CEP290: variants seen among roughly 807,000 people sequenced by gnomAD.
CEP290 encodes the protein centrosomal protein 290.
In CEP290, 317 loss-of-function variants were observed where a neutral mutation model predicts 344.9. The observed-to-expected ratio is 0.92, with a 90% CI of 0.84 to 1.01. The LOEUF (loss-of-function observed/expected upper bound fraction) is 1.01, where lower values mean the gene tolerates loss of function less well. CEP290 is among the 50% of genes least tolerant of loss of function. CEP290 has a pLI of 0.00. For synonymous variants in CEP290, 932 were observed against 895.8 expected (o/e 1.04, Z -0.72); for missense variants, 2,754 against 2,761.4 (o/e 1.00, Z 0.06).
intron 6 of CEP290, 109 bp downstream of exon 6, chr12:88,136,534 T>A (rs1260285548): frequency 2.7e-6 from 3 of 1,114,492 alleles, no homozygotes; most frequent in Admixed American, 2.0e-5. Context: ...TAAGTGTACA[T>A]CATTTTTCAA....
At chr12:88,052,412 A>G (rs544463178) in intron 52 of CEP290, among the ~76,000 whole-genome samples, 60 of 152,366 alleles carry the variant, frequency 3.9e-4, no homozygotes, top group Admixed American at 1.6e-3. Context: ...GAGATAATTT[A>G]TGAACAGACC....
chr12:88,122,396 A>C (rs991045584), intron 13 of CEP290, among the ~76,000 whole-genome samples: 1 of 152,104 alleles, frequency 6.6e-6, no homozygotes, highest in South Asian at 2.1e-4. Context: ...TGAAGGCAAC[A>C]CCCTGGAATG....
intron 26 of CEP290, among the ~76,000 whole-genome samples, chr12:88,098,656 T>G (rs2037642100): frequency 6.6e-6 from 1 of 151,866 alleles, no homozygotes; most frequent in Non-Finnish European, 1.5e-5. Context: ...AACAGAGTAC[T>G]GAGCCAGTGA....
At chr12:88,050,459 A>C in intron 52 of CEP290, 26 bp from the exon 53 acceptor site, 1 of 1,194,480 alleles carries the variant, frequency 8.4e-7, no homozygotes, top group Non-Finnish European at 1.2e-6. Flanking sequence ...TACAAATTAG[A>C]CTCAGCTTTT....
At chr12:88,086,246 A>G in intron 33 of CEP290, 73 bp from the exon 34 acceptor site, 2 of 1,547,230 alleles carry the variant, frequency 1.3e-6, no homozygotes, top group Non-Finnish European at 1.8e-6. Flanking sequence ...TTACAGCTGT[A>G]TGATAAAACA....
At chr12:88,078,009 G>A in intron 39 of CEP290, 91 bp from the exon 40 acceptor site, 8 of 497,286 alleles carry the variant, frequency 1.6e-5, no homozygotes, top group South Asian at 7.1e-5. Context: ...ACCATTATAA[G>A]AAAAATTCAG....
chr12:88,110,004 G>GTCCT (rs1424765736), intron 22 of CEP290, among the ~76,000 whole-genome samples: 1 of 151,888 alleles, frequency 6.6e-6, no homozygotes, highest in East Asian at 1.9e-4. Context: ...AGTTAAGGCT[G>GTCCT]TCCTTAGACA....
At position 88,079,704 on chromosome 12, in the gene CEP290, C is replaced by T. The variant is rs2036048627; in HGVS notation, c.5227-475G>A. Among the ~76,000 whole-genome samples the T allele has an allele frequency of 2.0e-5, 3 of 152,046 alleles. No individual in the cohort carries two copies. The South Asian group carries it at 6.2e-4, about 32-fold the overall frequency. On this transcript the variant is annotated intron_variant, in intron 38 of 53. Transcript: ENST00000552810. ...TTAAATAGATCAAATCTGAGATAAA[C>T]TAAAAAAAACCCTAATAAATCAGAA...
chr12:88,056,603 C>A (rs1329648593), intron 49 of CEP290, among the ~76,000 whole-genome samples: 3 of 152,148 alleles, frequency 2.0e-5, no homozygotes, highest in Non-Finnish European at 2.9e-5. Flanking sequence ...TTCACTTCAT[C>A]TAATTTTCTA....
intron 45 of CEP290, 98 bp from the exon 46 acceptor site, chr12:88,062,876 G>A (rs2034586226): frequency 1.4e-6 from 1 of 716,944 alleles, no homozygotes; most frequent in Admixed American, 2.7e-5. Flanking sequence ...CTCTTCAACT[G>A]TATTGCCAAA....
intron 18 of CEP290, among the ~76,000 whole-genome samples, chr12:88,116,721 T>TTA (rs1388158582): frequency 6.6e-6 from 1 of 152,160 alleles, no homozygotes; most frequent in East Asian, 1.9e-4. Context: ...ACGCCTGTAA[T>TTA]CCCAGCACTT....
intron 15 of CEP290, among the ~76,000 whole-genome samples, chr12:88,119,655 C>T (rs1303536222): frequency 4.6e-5 from 7 of 151,956 alleles, no homozygotes; most frequent in African/African-American, 1.7e-4. Flanking sequence ...AAAAATTAGC[C>T]GGGCATAGTG....
intron 52 of CEP290, among the ~76,000 whole-genome samples, chr12:88,050,727 G>A (rs879320089): frequency 2.0e-5 from 3 of 152,164 alleles, no homozygotes; most frequent in Non-Finnish European, 2.9e-5. Context: ...CCTAAAGCCA[G>A]GGAAACTTGT....
At chr12:88,102,535 G>A (rs890713065) in intron 26 of CEP290, among the ~76,000 whole-genome samples, 3 of 152,094 alleles carry the variant, frequency 2.0e-5, no homozygotes, top group African/African-American at 7.2e-5. Context: ...TCTCTTAGAT[G>A]TCTGGTTAAA....
Position 88,092,728 on chromosome 12 carries a change from A to C in CEP290, c.3414T>G (p.Ile1138Met). 6.2e-7 allele frequency: 1 copy of C among 1,610,592 alleles called. No individual in the cohort carries two copies. Among genetic ancestry groups the C allele is most frequent in the Non-Finnish European group, 8.5e-7 (1 of 1,178,568 alleles). ...CCATTTCATTCTTCTCTAATTCTAG[A>C]ATCCGTTGCCTATCAGCATCACTTA... The part of the protein sequence containing the change: ...KAVSDADRQR[I>M]LELEKNEMEL... The change falls in exon 29 of 54, where the codon ATT (isoleucine) becomes ATG (methionine). Residue 1138 changes from isoleucine to methionine, a missense_variant. By Grantham distance (10) the Ile-to-Met change is conservative (BLOSUM62 1). Transcript: ENST00000552810.
intron 25 of CEP290, among the ~76,000 whole-genome samples, chr12:88,105,798 T>G (rs2038230255): frequency 6.6e-6 from 1 of 152,044 alleles, no homozygotes; most frequent in Non-Finnish European, 1.5e-5. Context: ...TGGAGATCAG[T>G]GGCACATGAT....
At chr12:88,062,553 T>C (rs1035593816) in intron 46 of CEP290, 139 bp downstream of exon 46, 23 of 602,062 alleles carry the variant, frequency 3.8e-5, no homozygotes, top group Middle Eastern at 5.7e-4. Context: ...TACTGTTTTA[T>C]ATTACAGATG....
intron 49 of CEP290, 148 bp downstream of exon 49, chr12:88,058,700 A>G: frequency 1.3e-6 from 1 of 792,470 alleles, no homozygotes; most frequent in Non-Finnish European, 2.0e-6. Context: ...ACAATACTAC[A>G]ACAGAAAAAA....
At position 88,139,568 on chromosome 12, in the gene CEP290, A is replaced by C. The variant is rs773899264; in HGVS notation, c.181-4T>G. On this transcript the variant is annotated splice_region_variant and splice_polypyrimidine_tract_variant and intron_variant, in intron 3 of 53. Transcript: ENST00000552810. ...GCTCCACTTCTTGAGCTTTCATCTA[A>C]ACATTAAAAAAAGGTTATTTCAATA... The C allele has an allele frequency of 1.3e-6, 2 of 1,561,294 alleles. 1 individual carries two copies. The highest frequency in any genetic ancestry group is 2.5e-5 in the South Asian group (2 of 80,266).
Sources: gnomAD v4.1 joint callset for allele counts (sites outside exome capture counted in the v4.1 genomes callset) on GRCh38, gnomAD v4.1.1 for gene constraint, MANE v1.5 for transcripts, NCBI Gene and HGNC (gene_info 2026-07-23, HGNC 2026-07-21) for gene names.